The following UAP1 variants were observed in gnomAD, a reference collection of about 807,000 sequenced individuals.
UAP1 encodes the protein UDP-N-acetylglucosamine pyrophosphorylase 1, also known as UDP-N-acetylhexosamine pyrophosphorylase.
A neutral mutation model predicts 58.5 loss-of-function variants in UAP1; 25 were observed. The observed-to-expected ratio is 0.43, with a 90% confidence interval of 0.31 to 0.60. The LOEUF (loss-of-function observed/expected upper bound fraction) is 0.60, where lower values mean the gene tolerates loss of function less well. Among genes scored for constraint, UAP1 ranks in the 20% least tolerant of loss-of-function variants. The pLI is 0.11. For missense variants in UAP1, 575 were observed against 630.0 expected, an observed-to-expected ratio of 0.91 and a Z score of 0.93; for synonymous variants, 208 against 213.0, an observed-to-expected ratio of 0.98 and a Z score of 0.21.
At chr1:162,596,215 A>G (rs1655610634) in intron 9 of UAP1, among the ~76,000 whole-genome samples, 1 of 148,140 alleles carries the variant, frequency 6.8e-6, no homozygotes. Context: ...TCGCTCTGTC[A>G]CCCCGGCTAG....
At position 162,587,684 on chromosome 1, in the gene UAP1, G is replaced by A. The variant is rs773957225; in HGVS notation, c.1028+16G>A. The A allele has an allele frequency of 1.9e-6, 3 of 1,598,448 alleles. No individual in the cohort carries two copies. Among genetic ancestry groups the A allele is most frequent in the Admixed American group, 1.7e-5 (1 of 58,186 alleles). On this transcript the variant is annotated intron_variant, in intron 6 of 10. Coordinates refer to ENST00000271469, the Ensembl canonical transcript of UAP1. Reference sequence around the variant, plus strand: ...ATGTTGTCAAGTATGGGCAAGATGGGGGCCTTTTAAAATTATATTTATTGT... The same window carrying A: ...ATGTTGTCAAGTATGGGCAAGATGGAGGCCTTTTAAAATTATATTTATTGT...
chr1:162,598,816 C>T (rs960032629), intron 10 of UAP1, among the ~76,000 whole-genome samples: 22 of 152,254 alleles, frequency 1.4e-4, no homozygotes, highest in African/African-American at 5.3e-4. Flanking sequence ...GAGTTCGAGA[C>T]CAGCCTGGCC....
At chr1:162,596,916 T>C (rs971611822) in intron 9 of UAP1, among the ~76,000 whole-genome samples, 1 of 152,240 alleles carries the variant, frequency 6.6e-6, no homozygotes, top group African/African-American at 2.4e-5. Context: ...TTGACTTTTG[T>C]GTTAGATAAC....
At chr1:162,577,118 A>G (rs1355459286) in intron 3 of UAP1, 137 bp downstream of exon 3, 5 of 861,154 alleles carry the variant, frequency 5.8e-6, no homozygotes, top group East Asian at 2.7e-5. Context: ...TTTACTATAT[A>G]TGTTAAAAGT....
intron 5 of UAP1, among the ~76,000 whole-genome samples, chr1:162,584,060 C>T (rs999090384): frequency 2.0e-5 from 3 of 152,216 alleles, no homozygotes; most frequent in Non-Finnish European, 4.4e-5. Context: ...TAGAACCATA[C>T]TCTTCAGATT....
Position 162,586,333 on chromosome 1 carries a change from G to A in UAP1, c.835-1142G>A, listed in dbSNP as rs190270219. 9.2e-3 allele frequency among the ~76,000 whole-genome samples: 1,396 copies of A among 152,178 alleles called. 11 individuals carry two copies. Among genetic ancestry groups the A allele is most frequent in the Middle Eastern group, 0.037 (11 of 294 alleles). ...AAAACAATACCTTCAAATAGATAGGGATTTTTGAGACAGGGTCTTACTCTG... is the reference window on the plus strand; with the variant it reads ...AAAACAATACCTTCAAATAGATAGGAATTTTTGAGACAGGGTCTTACTCTG... On this transcript the variant is annotated intron_variant, in intron 5 of 10. Coordinates refer to ENST00000271469, the Ensembl canonical transcript of UAP1.
intron 7 of UAP1, among the ~76,000 whole-genome samples, chr1:162,589,138 ATATT>A (rs1400685745): frequency 3.8e-5 from 4 of 104,972 alleles, no homozygotes; most frequent in East Asian, 2.3e-4. Flanking sequence ...TATAATTTAT[ATATT>A]TATATAATAT....
intron 5 of UAP1, among the ~76,000 whole-genome samples, chr1:162,583,242 T>TCA (rs34975893): frequency 4.2e-5 from 6 of 143,682 alleles, no homozygotes; most frequent in African/African-American, 1.5e-4. Context: ...AACCTCCGTC[T>TCA]CCCAGGTTCA....
rs531704124 is a variant in UAP1, at chr1:162,592,961, A to AGT, written c.1409+179_1409+180insGT. The AGT allele has an allele frequency of 7.4e-4, 420 of 568,798 alleles. No homozygotes were observed. The Middle Eastern group carries it at 0.012, about 17-fold the overall frequency. 35.2% of individuals were successfully genotyped at this position (568,798 alleles called of 1,614,324 possible). On this transcript the variant is annotated intron_variant, in intron 9 of 10. Coordinates refer to ENST00000271469, the Ensembl canonical transcript of UAP1. ...ATCTCTCTGGATGACACTAACTCAG[A>AGT]ATCTTGTTGCATGCTGGAAATGGAG... is the stretch of plus-strand genomic sequence containing the variant.
chr1:162,572,622 A>G (rs1365002943), intron 2 of UAP1, among the ~76,000 whole-genome samples: 2 of 152,258 alleles, frequency 1.3e-5, no homozygotes, highest in Non-Finnish European at 1.5e-5. Context: ...TAAAAAGAAC[A>G]GAGATCTCTG....
intron 9 of UAP1, chr1:162,597,233 C>T (rs910706775): frequency 6.6e-6 from 1 of 152,134 alleles, no homozygotes; most frequent in Admixed American, 6.6e-5. Context: ...CTTCTGAACA[C>T]TCGAAGTGTG....
chr1:162,562,323 AAGAC>A (rs1409387845), intron 1 of UAP1: 1 of 152,086 alleles, frequency 6.6e-6, no homozygotes, highest in Non-Finnish European at 1.5e-5. Flanking sequence ...AGGTCTGACA[AAGAC>A]AGGGGATACA....
chr1:162,580,336 T>G (rs1286685385), intron 4 of UAP1, among the ~76,000 whole-genome samples: 1 of 152,208 alleles, frequency 6.6e-6, no homozygotes, highest in Non-Finnish European at 1.5e-5. Context: ...ATTCTAAACA[T>G]TATTTCAGCA....
chr1:162,574,203 C>A (rs1278796196), intron 2 of UAP1, among the ~76,000 whole-genome samples: 3 of 150,010 alleles, frequency 2.0e-5, no homozygotes, highest in Non-Finnish European at 3.0e-5. Context: ...AGCAGTTCAT[C>A]TGCCTCAGCC....
At chr1:162,575,999 C>T (rs79247010) in intron 2 of UAP1, among the ~76,000 whole-genome samples, 1 of 152,146 alleles carries the variant, frequency 6.6e-6, no homozygotes, top group South Asian at 2.1e-4. Context: ...AATGTATACT[C>T]ACGTAGCTAC....
intron 9 of UAP1, among the ~76,000 whole-genome samples, chr1:162,595,456 G>A (rs1655566390): frequency 6.6e-6 from 1 of 151,940 alleles, no homozygotes; most frequent in Non-Finnish European, 1.5e-5. Flanking sequence ...GGTTTTGTAT[G>A]ACTTTGAGTT....
chr1:162,590,802 ATTT>A (rs200031840), intron 8 of UAP1, among the ~76,000 whole-genome samples: 6 of 144,890 alleles, frequency 4.1e-5, no homozygotes, highest in Non-Finnish European at 6.1e-5. Context: ...TGATCAGAAG[ATTT>A]TTTTTTTTTT....
chr1:162,589,163 TAATATATAAATA>T (rs1655116217), intron 7 of UAP1, among the ~76,000 whole-genome samples: 1 of 102,160 alleles, frequency 9.8e-6, no homozygotes, highest in Non-Finnish European at 1.8e-5. Flanking sequence ...ATATTATATA[TAATATATAAATA>T]TTATATATAA....
chr1:162,577,247 A>G (rs547571425), intron 3 of UAP1, among the ~76,000 whole-genome samples: 1 of 151,892 alleles, frequency 6.6e-6, no homozygotes, highest in African/African-American at 2.4e-5. Flanking sequence ...CTCTGCATCT[A>G]GAAACTCATA....
Sources: gnomAD v4.1 joint callset for allele counts (sites outside exome capture counted in the v4.1 genomes callset) on GRCh38, gnomAD v4.1.1 for gene constraint, MANE v1.5 for transcripts, NCBI Gene and HGNC (gene_info 2026-07-23, HGNC 2026-07-21) for gene names.